HDAC9: variants seen among roughly 807,000 people sequenced by gnomAD.
HDAC9 encodes histone deacetylase 9.
In HDAC9, 41 loss-of-function variants were observed where a neutral mutation model predicts 139.4. The ratio of observed to expected loss-of-function variants is 0.29; its 90% CI spans 0.23 to 0.38. The LOEUF is 0.38. Ranked by LOEUF, HDAC9 falls within the 10% of genes least tolerant of loss-of-function variation. HDAC9 has a pLI of 1.00. For missense variants in HDAC9, 1,147 were observed against 1,297.0 expected (o/e 0.88, Z 1.78); for synonymous variants, 517 against 476.2 (o/e 1.09, Z -1.12).
intron 2 of HDAC9, among the ~76,000 whole-genome samples, chr7:18,272,913 G>GCTA (rs149171355): frequency 0.024 from 3,420 of 144,538 alleles, 64 homozygotes; most frequent in East Asian, 0.06. Flanking sequence ...CTAGACTACT[G>GCTA]CTACTACTAC....
chr7:18,422,763 C>T lies in HDAC9; in HGVS notation c.-41-73499C>T, dbSNP rs914060869. On this transcript the variant is annotated intron_variant, in intron 1 of 3. Transcript: ENST00000413509. ...ACACGCGCACACACACACACACACA[C>T]ACACACACACACACACAGCCACTGC... is the stretch of plus-strand genomic sequence containing the variant. 2.6e-5 allele frequency among the ~76,000 whole-genome samples: 4 copies of T among 151,860 alleles called. No homozygotes were observed. The South Asian group carries it at 8.3e-4, about 32-fold the overall frequency.
At chr7:18,971,028 G>A (rs748576890) in intron 24 of HDAC9, among the ~76,000 whole-genome samples, 10 of 152,154 alleles carry the variant, frequency 6.6e-5, no homozygotes, top group Admixed American at 1.3e-4. Flanking sequence ...GGTTTATACT[G>A]AAGTCTGTTT....
intron 14 of HDAC9, among the ~76,000 whole-genome samples, chr7:18,755,597 G>A (rs1282228406): frequency 6.6e-6 from 1 of 151,962 alleles, no homozygotes; most frequent in East Asian, 1.9e-4. Context: ...GCAATGTAGG[G>A]GGTTCAGTTG....
At chr7:18,181,221 G>C (rs1789404760) in intron 2 of HDAC9, among the ~76,000 whole-genome samples, 1 of 152,112 alleles carries the variant, frequency 6.6e-6, no homozygotes, top group South Asian at 2.1e-4. Context: ...AGTCATGCTG[G>C]CTTGGCTTGT....
chr7:18,347,822 C>T (rs577445067), intron 1 of HDAC9, among the ~76,000 whole-genome samples: 1 of 152,130 alleles, frequency 6.6e-6, no homozygotes, highest in Admixed American at 6.5e-5. Flanking sequence ...GATGATCCAC[C>T]CACCTCGGCC....
intron 22 of HDAC9, among the ~76,000 whole-genome samples, chr7:18,909,638 C>A (rs549232107): frequency 1.3e-5 from 2 of 151,814 alleles, no homozygotes; most frequent in South Asian, 4.1e-4. Flanking sequence ...CACTATTTAT[C>A]TATTTTTTAA....
At chr7:18,678,856 G>A (rs1472616758) in intron 12 of HDAC9, among the ~76,000 whole-genome samples, 1 of 151,842 alleles carries the variant, frequency 6.6e-6, no homozygotes, top group Non-Finnish European at 1.5e-5. Context: ...TTTCTTTAAA[G>A]AATGTTCACT....
chr7:18,949,052 A>C (rs557423325), intron 23 of HDAC9: 1 of 394,422 alleles, frequency 2.5e-6, no homozygotes, highest in Non-Finnish European at 4.9e-6. Flanking sequence ...AATGTTTTCT[A>C]CAGAACTAGG....
At chr7:18,318,447 A>G (rs962674952) in intron 1 of HDAC9, among the ~76,000 whole-genome samples, 1 of 152,236 alleles carries the variant, frequency 6.6e-6, no homozygotes, top group East Asian at 1.9e-4. Context: ...TACAGACAGC[A>G]ATAACTAATG....
chr7:18,271,118 G>A (rs756166379), intron 2 of HDAC9, among the ~76,000 whole-genome samples: 1 of 152,084 alleles, frequency 6.6e-6, no homozygotes, highest in African/African-American at 2.4e-5. Context: ...AATATTGATT[G>A]TTTTTCACTA....
chr7:18,151,610 T>C (rs1786786939), intron 1 of HDAC9, among the ~76,000 whole-genome samples: 1 of 152,202 alleles, frequency 6.6e-6, no homozygotes, highest in Non-Finnish European at 1.5e-5. Context: ...GTAATCATAG[T>C]ATAGTAACCC....
intron 1 of HDAC9, among the ~76,000 whole-genome samples, chr7:18,157,817 GAGAGAGA>G (rs1787325815): frequency 7.6e-6 from 1 of 131,994 alleles, no homozygotes; most frequent in African/African-American, 3.2e-5. Context: ...GAGAGAGAGA[GAGAGAGA>G]GAGAGAGAGA....
In HDAC9 at chr7:18,864,435, T is replaced by C. The variant is rs997232307; in HGVS notation, c.2685-10043T>C. Among the ~76,000 whole-genome samples, 30 of 151,780 alleles carry C rather than the reference T, an allele frequency of 2.0e-4. 1 individual carries two copies. The highest frequency in any genetic ancestry group is 7.3e-4 in the African/African-American group (30 of 41,292). ...TCAGTTATGTAGGATGATGAAGTTC[T>C]AGAGATCTGACCAGGGGAAAATGGG... On this transcript the variant is annotated intron_variant, in intron 21 of 25. Transcript: ENST00000686413.
chr7:18,884,608 GA>G (rs1799984239), intron 22 of HDAC9, among the ~76,000 whole-genome samples: 1 of 152,144 alleles, frequency 6.6e-6, no homozygotes, highest in South Asian at 2.1e-4. Context: ...AGAAAACATA[GA>G]AAAGATTTAT....
chr7:18,939,879 T>C (rs958550226), intron 23 of HDAC9, among the ~76,000 whole-genome samples: 1 of 152,178 alleles, frequency 6.6e-6, no homozygotes, highest in African/African-American at 2.4e-5. Flanking sequence ...CAGAACCCGC[T>C]TTAGTTTCTC....
At position 18,432,369 on chromosome 7, in the gene HDAC9, A is replaced by G. The variant is rs115224878; in HGVS notation, c.-41-63893A>G. ...AACTCTTATGAGGACATGTATTTTA[A>G]CATATTTACCTTTGGATTTTTAGAG... On this transcript the variant is annotated intron_variant, in intron 1 of 3. Coordinates refer to the HDAC9 transcript ENST00000413509. 6.3e-3 allele frequency among the ~76,000 whole-genome samples: 956 copies of G among 152,338 alleles called. 11 individuals carry two copies. Among genetic ancestry groups the G allele is most frequent in the African/African-American group, 0.022 (906 of 41,560 alleles).
chr7:18,978,381 C>A (rs573835496), intron 25 of HDAC9, among the ~76,000 whole-genome samples: 34 of 151,946 alleles, frequency 2.2e-4, no homozygotes, highest in Non-Finnish European at 1.9e-4. Context: ...ATTTTTTGTT[C>A]GTTTTTCTTG....
intron 1 of HDAC9, among the ~76,000 whole-genome samples, chr7:18,134,574 G>GA (rs1027108273): frequency 6.6e-6 from 1 of 152,042 alleles, no homozygotes; most frequent in African/African-American, 2.4e-5. Context: ...TGCATAAAAG[G>GA]AAAAAAGCAG....
At chr7:18,447,179 G>C (rs1436013543) in intron 1 of HDAC9, among the ~76,000 whole-genome samples, 2 of 152,036 alleles carry the variant, frequency 1.3e-5, no homozygotes, top group African/African-American at 4.8e-5. Flanking sequence ...CTAGATATGA[G>C]TCAGTGGTGT....
Sources: allele counts gnomAD v4.1 joint callset (sites outside exome capture counted in the v4.1 genomes callset), GRCh38; gene constraint gnomAD v4.1.1; transcripts MANE v1.5; gene names NCBI Gene and HGNC (gene_info 2026-07-23, HGNC 2026-07-21).